The following TNFRSF13B variants were observed in gnomAD, a reference collection of about 807,000 sequenced individuals.
TNFRSF13B encodes TNF receptor superfamily member 13B, also known as tumor necrosis factor receptor superfamily member 13B.
TNFRSF13B carries 34 observed loss-of-function variants against 24.0 expected under a neutral mutation model. That is an observed-to-expected ratio of 1.41 (90% CI 1.08 to 1.88). TNFRSF13B has a LOEUF of 1.88. Ranked by LOEUF, TNFRSF13B falls within the 40% of genes most tolerant of loss-of-function variation. TNFRSF13B has a pLI of 0.00. For missense variants in TNFRSF13B, 415 were observed against 380.8 expected (o/e 1.09, Z -0.75); for synonymous variants, 173 against 150.3 (o/e 1.15, Z -1.10).
chr17:16,962,125 G>T (rs982533800), intron 1 of TNFRSF13B, among the ~76,000 whole-genome samples: 1 of 152,196 alleles, frequency 6.6e-6, no homozygotes, highest in Non-Finnish European at 1.5e-5. Context: ...CAACTGACAG[G>T]GTGGATTTGT....
intron 3 of TNFRSF13B, among the ~76,000 whole-genome samples, chr17:16,945,761 A>G (rs2087543367): frequency 1.3e-5 from 2 of 152,134 alleles, no homozygotes; most frequent in Non-Finnish European, 2.9e-5. Flanking sequence ...GCTGTGCTAG[A>G]TTAAAAATGG....
intron 3 of TNFRSF13B, among the ~76,000 whole-genome samples, chr17:16,942,573 C>T (rs2143646087): frequency 6.6e-6 from 1 of 152,260 alleles, no homozygotes; most frequent in African/African-American, 2.4e-5. Flanking sequence ...CTTGGTGCCA[C>T]ATATCCAAGG....
At chr17:16,966,919 A>T (rs1268002766) in intron 1 of TNFRSF13B, among the ~76,000 whole-genome samples, 1 of 134,504 alleles carries the variant, frequency 7.4e-6, no homozygotes, top group East Asian at 2.3e-4. Flanking sequence ...GCTCACTGAA[A>T]CTTCTGCCTC....
At position 16,939,317 on chromosome 17, in the gene TNFRSF13B, CTCCTTCTCTGCCTGTCTCTT is replaced by C; in HGVS notation, c.*210_*229del. On this transcript the variant is annotated 3_prime_UTR_variant, in exon 5 of 5. Transcript: ENST00000261652. Reference sequence around the variant, plus strand: ...TCTGCCTCTCTCCCTCTCTGCCTCTCTCCTTCTCTGCCTGTCTCTTTCCTTCTCTGCCTCTTTCCCTCTCT... The same window carrying C: ...TCTGCCTCTCTCCCTCTCTGCCTCTCTCCTTCTCTGCCTCTTTCCCTCTCT... The C allele has an allele frequency of 1.9e-6, 1 of 538,786 alleles. No individual in the cohort carries two copies. The highest frequency in any genetic ancestry group is 3.2e-6 in the Non-Finnish European group (1 of 313,402). The allele number at this position is 538,786 out of a possible 1,614,324, so 33.4% of individuals were successfully genotyped here.
chr17:16,969,693 TAAAG>T (rs1436901397), intron 1 of TNFRSF13B, among the ~76,000 whole-genome samples: 1 of 152,142 alleles, frequency 6.6e-6, no homozygotes, highest in Non-Finnish European at 1.5e-5. Context: ...TATATGTAAA[TAAAG>T]CTGCTTATTC....
intron 1 of TNFRSF13B, among the ~76,000 whole-genome samples, chr17:16,960,353 C>T (rs901830954): frequency 6.6e-6 from 1 of 152,122 alleles, no homozygotes; most frequent in African/African-American, 2.4e-5. Context: ...ACACATTTGC[C>T]ACTTCTTTTC....
chr17:16,970,231 G>A (rs1443044455), intron 1 of TNFRSF13B, among the ~76,000 whole-genome samples: 3 of 152,228 alleles, frequency 2.0e-5, no homozygotes, highest in Non-Finnish European at 4.4e-5. Flanking sequence ...GCTTGAGAGA[G>A]AAGCTTCGTT....
In TNFRSF13B at chr17:16,952,594, A is replaced by G. The variant is rs2087597570; in HGVS notation, c.62-11T>C. The G allele has an allele frequency of 6.2e-7, 1 of 1,614,168 alleles. No homozygotes were observed. Among genetic ancestry groups the G allele is most frequent in the African/African-American group, 1.3e-5 (1 of 75,060 alleles). On this transcript the variant is annotated splice_polypyrimidine_tract_variant and intron_variant, in intron 1 of 4. Transcript: ENST00000261652. ...ACAGGCCCTGTGGAACTGAGAGACCAGGAGAGTGAGGGCAGCTGGCAGGCG... is the reference window on the plus strand; with the variant it reads ...ACAGGCCCTGTGGAACTGAGAGACCGGGAGAGTGAGGGCAGCTGGCAGGCG...
intron 2 of TNFRSF13B, among the ~76,000 whole-genome samples, chr17:16,951,093 T>C (rs2087585495): frequency 6.6e-6 from 1 of 152,248 alleles, no homozygotes; most frequent in Non-Finnish European, 1.5e-5. Flanking sequence ...CCAATGAATG[T>C]TCTAATTCAT....
chr17:16,968,895 A>G (rs747682460), intron 1 of TNFRSF13B, among the ~76,000 whole-genome samples: 1 of 152,252 alleles, frequency 6.6e-6, no homozygotes, highest in Non-Finnish European at 1.5e-5. Flanking sequence ...ATATTTCAAT[A>G]GGCATTTTCC....
At position 16,940,474 on chromosome 17, in the gene TNFRSF13B, G is replaced by A. The variant is rs1312285828; in HGVS notation, c.483C>T (p.Ala161=). 6.2e-7 allele frequency: 1 copy of A among 1,613,674 alleles called. No individual in the cohort carries two copies. The highest frequency in any genetic ancestry group is 8.5e-7 in the Non-Finnish European group (1 of 1,179,988). The change falls in exon 4 of 5, where the codon GCC becomes GCT. Residue 161 remains alanine, a synonymous_variant. Transcript: ENST00000261652. ...PGLKLSADQV[A]LVYSTLGLCL... ...AGAGCCCCAGCGTGCTGTAGACCAG[G>A]GCCACCTGATCTGCACTCAGCTTCA...
At chr17:16,958,066 T>G (rs2087636856) in intron 1 of TNFRSF13B, among the ~76,000 whole-genome samples, 1 of 151,866 alleles carries the variant, frequency 6.6e-6, no homozygotes, top group African/African-American at 2.4e-5. Context: ...GGTCATAGAG[T>G]GTACAAAGAT....
intron 3 of TNFRSF13B, 97 bp from the exon 4 acceptor site, chr17:16,940,608 C>T: frequency 1.3e-6 from 2 of 1,537,488 alleles, no homozygotes; most frequent in South Asian, 2.4e-5. Flanking sequence ...TGCTGTGAGC[C>T]TGTCTGGCTC....
chr17:16,953,330 T>A (rs2087603146), intron 1 of TNFRSF13B, among the ~76,000 whole-genome samples: 1 of 152,222 alleles, frequency 6.6e-6, no homozygotes. Flanking sequence ...TGTTTTCTTT[T>A]TTACTAAAGT....
intron 1 of TNFRSF13B, among the ~76,000 whole-genome samples, chr17:16,967,070 T>C (rs182654484): frequency 6.6e-6 from 1 of 152,050 alleles, no homozygotes; most frequent in Non-Finnish European, 1.5e-5. Flanking sequence ...AACTCCTGAC[T>C]TCAGGTTATC....
intron 2 of TNFRSF13B, among the ~76,000 whole-genome samples, chr17:16,952,225 A>G (rs1319059774): frequency 6.6e-6 from 1 of 152,254 alleles, no homozygotes; most frequent in Non-Finnish European, 1.5e-5. Flanking sequence ...CGGGAATAGC[A>G]TGTGCAAAGG....
In TNFRSF13B at chr17:16,941,605, C is replaced by T. The variant is rs1371948138; in HGVS notation, c.446-1094G>A. Reference sequence around the variant, plus strand: ...CGCTCTGATGGCAGACAACTACCCCCATTAAAAATACTGAGAATTTGTATA... The same window carrying T: ...CGCTCTGATGGCAGACAACTACCCCTATTAAAAATACTGAGAATTTGTATA... On this transcript the variant is annotated intron_variant, in intron 3 of 4. Coordinates refer to ENST00000261652, the MANE Select transcript of TNFRSF13B (RefSeq NM_012452.3). 1.9e-5 allele frequency: 19 copies of T among 984,218 alleles called. No individual in the cohort carries two copies. In the African/African-American group the frequency reaches 3.1e-4, roughly 16 times the overall value. 61.0% of individuals were successfully genotyped at this position (984,218 alleles called of 1,614,324 possible).
In TNFRSF13B at chr17:16,961,205, A is replaced by G. The variant is rs561361663; in HGVS notation, c.62-8622T>C. Among the ~76,000 whole-genome samples, 10 of 152,364 alleles carry G rather than the reference A, an allele frequency of 6.6e-5. No homozygotes were observed. The South Asian group carries it at 1.7e-3, about 25-fold the overall frequency. Reference sequence around the variant, plus strand: ...GTCTGGCAGATCCTCAAAAAGACAAACATAAAACTACCACAAGACCCAGTA... The same window carrying G: ...GTCTGGCAGATCCTCAAAAAGACAAGCATAAAACTACCACAAGACCCAGTA... On this transcript the variant is annotated intron_variant, in intron 1 of 4. Transcript: ENST00000261652.
intron 3 of TNFRSF13B, chr17:16,941,436 A>G (rs761961143): frequency 6.1e-6 from 6 of 987,646 alleles, no homozygotes; most frequent in Middle Eastern, 2.8e-4. Context: ...TCCTTATCCC[A>G]AAAGCTCTTC....
Sources: gnomAD v4.1 joint callset for allele counts (sites outside exome capture counted in the v4.1 genomes callset) on GRCh38, gnomAD v4.1.1 for gene constraint, MANE v1.5 for transcripts, NCBI Gene and HGNC (gene_info 2026-07-23, HGNC 2026-07-21) for gene names.